The following FMN1 variants were observed in gnomAD, a reference collection of about 807,000 sequenced individuals.
FMN1 encodes the protein formin 1, also known as formin-1.
Under a neutral mutation model 132.4 loss-of-function variants are expected in FMN1, and 110 were observed. The observed-to-expected ratio is 0.83, with a 90% CI of 0.71 to 0.97. The LOEUF (loss-of-function observed/expected upper bound fraction) is 0.97, where lower values mean the gene tolerates loss of function less well. Among genes scored for constraint, FMN1 ranks in the 50% least tolerant of loss-of-function variants. The pLI, the probability that FMN1 is intolerant of heterozygous loss-of-function variation, is 0.00. For synonymous variants in FMN1, 722 were observed against 651.7 expected (o/e 1.11, Z -1.64); for missense variants, 1,792 against 1,705.3 (o/e 1.05, Z -0.90).
intron 7 of FMN1, among the ~76,000 whole-genome samples, chr15:32,977,050 T>C (rs2032267171): frequency 6.6e-6 from 1 of 152,218 alleles, no homozygotes; most frequent in South Asian, 2.1e-4. Flanking sequence ...CCTTAATATT[T>C]TGAATATCAG....
intron 7 of FMN1, among the ~76,000 whole-genome samples, chr15:33,002,512 A>C (rs2140917162): frequency 1.3e-5 from 2 of 152,234 alleles, no homozygotes; most frequent in South Asian, 4.2e-4. Flanking sequence ...TTGATGCCAA[A>C]CCAGTTGTCT....
chr15:33,065,117 G>A (rs1211856275), intron 5 of FMN1, 43 bp from the exon 6 acceptor site: 5 of 1,333,632 alleles, frequency 3.7e-6, no homozygotes, highest in Non-Finnish European at 4.2e-6. Flanking sequence ...TGTAGTCAGA[G>A]CCGATTAATT....
intron 4 of FMN1, among the ~76,000 whole-genome samples, chr15:33,143,292 G>A (rs2444972): frequency 0.47 from 70,902 of 152,022 alleles, 16,836 homozygotes; most frequent in East Asian, 0.68. Context: ...ATAATCACAT[G>A]ATATGACATG....
intron 15 of FMN1, among the ~76,000 whole-genome samples, chr15:32,897,444 A>AG (rs147912673): frequency 4.6e-5 from 7 of 152,302 alleles, no homozygotes; most frequent in Non-Finnish European, 8.8e-5. Context: ...AGGAGTAATG[A>AG]GAAAAAAAGG....
rs186292246 is a variant in FMN1, at chr15:32,980,874, C to T, written c.2224-11397G>A. Among the ~76,000 whole-genome samples the T allele has an allele frequency of 1.2e-3, 184 of 152,182 alleles. 1 individual carries two copies. The highest frequency in any genetic ancestry group is 4.0e-3 in the African/African-American group (167 of 41,520). ...AGTAACACACAAAAAATTAGCCGGGCGTGGTGATGCGTGCTTGTAACCCCA... is the reference window on the plus strand; with the variant it reads ...AGTAACACACAAAAAATTAGCCGGGTGTGGTGATGCGTGCTTGTAACCCCA... On this transcript the variant is annotated intron_variant, in intron 7 of 20. Transcript: ENST00000616417.
chr15:32,829,838 T>C (rs78232759), intron 17 of FMN1, among the ~76,000 whole-genome samples: 263 of 152,268 alleles, frequency 1.7e-3, no homozygotes, highest in African/African-American at 6.1e-3. Context: ...ACTCTTCAAG[T>C]TGTGAGACCT....
intron 7 of FMN1, among the ~76,000 whole-genome samples, chr15:32,992,083 C>T (rs1410340729): frequency 1.3e-5 from 2 of 152,140 alleles, no homozygotes; most frequent in Admixed American, 6.6e-5. Context: ...TTTGATTTTA[C>T]TAGTGTAGCT....
chr15:32,949,508 G>A (rs111972334), intron 9 of FMN1, among the ~76,000 whole-genome samples: 18 of 152,082 alleles, frequency 1.2e-4, no homozygotes, highest in African/African-American at 4.3e-4. Context: ...ATATGGAGAA[G>A]ACTGAAAGTG....
intron 5 of FMN1, among the ~76,000 whole-genome samples, chr15:33,066,292 G>A (rs930116447): frequency 6.6e-6 from 1 of 152,132 alleles, no homozygotes; most frequent in Non-Finnish European, 1.5e-5. Flanking sequence ...ACATCTTTGT[G>A]TATATCCCTC....
intron 7 of FMN1, among the ~76,000 whole-genome samples, chr15:32,973,578 C>CG (rs2031965594): frequency 1.3e-5 from 2 of 151,280 alleles, no homozygotes; most frequent in African/African-American, 4.9e-5. Flanking sequence ...TGCCCCTCAC[C>CG]CCCCCCAAAA....
intron 9 of FMN1, among the ~76,000 whole-genome samples, chr15:32,952,018 T>C (rs1158977414): frequency 6.6e-6 from 1 of 152,240 alleles, no homozygotes; most frequent in Non-Finnish European, 1.5e-5. Context: ...CAGCTTGATC[T>C]TGAATTCATA....
At chr15:32,843,581 G>C (rs745590903) in intron 17 of FMN1, among the ~76,000 whole-genome samples, 5 of 152,180 alleles carry the variant, frequency 3.3e-5, no homozygotes, top group African/African-American at 1.2e-4. Context: ...TTACTTACTT[G>C]AATATATTAT....
intron 7 of FMN1, 26 bp downstream of exon 7, chr15:33,007,988 C>T (rs1281403230): frequency 2.5e-6 from 4 of 1,575,612 alleles, no homozygotes; most frequent in Admixed American, 1.8e-5. Flanking sequence ...CTATAGAACC[C>T]GTTCAGTAGC....
chr15:33,016,191 G>T (rs1338280867), intron 6 of FMN1, among the ~76,000 whole-genome samples: 1 of 152,092 alleles, frequency 6.6e-6, no homozygotes, highest in Non-Finnish European at 1.5e-5. Flanking sequence ...CATAAAGGAT[G>T]ACATTTGAAA....
intron 19 of FMN1, among the ~76,000 whole-genome samples, chr15:32,790,738 T>C (rs539663379): frequency 1.3e-5 from 2 of 152,344 alleles, no homozygotes; most frequent in East Asian, 3.9e-4. Flanking sequence ...GGATCATTTC[T>C]TCCTCCAAAC....
At chr15:33,041,020 T>C (rs1369522707) in intron 6 of FMN1, among the ~76,000 whole-genome samples, 1 of 152,150 alleles carries the variant, frequency 6.6e-6, no homozygotes, top group Non-Finnish European at 1.5e-5. Context: ...CTTTTCCTTA[T>C]TTAAAATGGC....
At chr15:32,888,085 CTA>C in intron 16 of FMN1, 85 bp downstream of exon 16, 1 of 1,209,668 alleles carries the variant, frequency 8.3e-7, no homozygotes, top group Non-Finnish European at 1.1e-6. Flanking sequence ...CAATCCCACT[CTA>C]TGAACCAGAC....
intron 4 of FMN1, among the ~76,000 whole-genome samples, chr15:33,128,916 T>A (rs1051566038): frequency 6.6e-6 from 1 of 152,230 alleles, no homozygotes; most frequent in Non-Finnish European, 1.5e-5. Flanking sequence ...ACCCATGCCC[T>A]GCTTATTGGT....
chr15:33,155,301 T>C (rs2140288631), intron 3 of FMN1, among the ~76,000 whole-genome samples: 1 of 152,284 alleles, frequency 6.6e-6, no homozygotes, highest in Admixed American at 6.5e-5. Context: ...TTTCCCTACA[T>C]GGGGACTCAC....
Sources: allele counts gnomAD v4.1 joint callset (sites outside exome capture counted in the v4.1 genomes callset), GRCh38; gene constraint gnomAD v4.1.1; transcripts MANE v1.5; gene names NCBI Gene and HGNC (gene_info 2026-07-23, HGNC 2026-07-21).